Variants in SLC16A2 observed in about 807,000 individuals in gnomAD.
SLC16A2 encodes monocarboxylate transporter 8.
SLC16A2 carries 3 observed loss-of-function variants against 27.2 expected under a neutral mutation model. The ratio of observed to expected loss-of-function variants is 0.11; its 90% CI spans 0.05 to 0.28. SLC16A2 has a LOEUF of 0.28. Ranked by LOEUF, SLC16A2 falls within the 10% of genes least tolerant of loss-of-function variation. The pLI is 1.00. For missense variants in SLC16A2, 295 were observed against 458.5 expected (o/e 0.64, Z 3.26); for synonymous variants, 202 against 187.8 (o/e 1.08, Z -0.62).
intron 1 of SLC16A2, among the ~76,000 whole-genome samples, chrX:74,497,424 G>A (rs773006893): frequency 9.0e-6 from 1 of 110,646 alleles, no homozygotes; most frequent in African/African-American, 3.3e-5. Flanking sequence ...TCATCTCAGC[G>A]AGAATTGGGC....
intron 1 of SLC16A2, among the ~76,000 whole-genome samples, chrX:74,437,346 G>A (rs1016011655): frequency 3.6e-5 from 4 of 112,538 alleles, no homozygotes; most frequent in Non-Finnish European, 7.5e-5. Context: ...AGAGGAATGT[G>A]TGAGGCTCTT....
At chrX:74,524,870 T>G (rs1412657665) in intron 3 of SLC16A2, 61 bp downstream of exon 3, 2 of 1,010,448 alleles carry the variant, frequency 2.0e-6, no homozygotes, top group African/African-American at 3.8e-5. Context: ...TCAACCTGCC[T>G]AGATTCCAGA....
Position 74,474,272 on chromosome X carries a change from A to C in SLC16A2, c.431-46718A>C, listed in dbSNP as rs760323449. ...AATATTTTGTAGCTTTCAGAGTATA[A>C]GTTTTATACTCCTTTTGTTAAATTT... On this transcript the variant is annotated intron_variant, in intron 1 of 5. Coordinates refer to ENST00000587091, the MANE Select transcript of SLC16A2 (RefSeq NM_006517.5). Among the ~76,000 whole-genome samples, 51 of 111,672 alleles carry C rather than the reference A, an allele frequency of 4.6e-4. 1 individual carries two copies. Among genetic ancestry groups the C allele is most frequent in the Admixed American group, 1.1e-3 (11 of 10,473 alleles).
At chrX:74,475,306 C>T (rs1262693797) in intron 1 of SLC16A2, among the ~76,000 whole-genome samples, 12 of 101,169 alleles carry the variant, frequency 1.2e-4, no homozygotes, top group African/African-American at 3.5e-4. Flanking sequence ...TCATATCCTT[C>T]GCCCGCTTGT....
At chrX:74,481,482 T>C (rs1929619224) in intron 1 of SLC16A2, among the ~76,000 whole-genome samples, 1 of 111,570 alleles carries the variant, frequency 9.0e-6, no homozygotes, top group South Asian at 3.7e-4. Flanking sequence ...AGTAATTTAA[T>C]TTAATAGCAT....
At chrX:74,501,541 G>A (rs867715146) in intron 1 of SLC16A2, among the ~76,000 whole-genome samples, 18 of 111,450 alleles carry the variant, frequency 1.6e-4, no homozygotes, top group Admixed American at 1.9e-4. Flanking sequence ...CCCTGGAGCA[G>A]GTAGAGCATG....
At chrX:74,428,686 G>C (rs1928468783) in intron 1 of SLC16A2, among the ~76,000 whole-genome samples, 1 of 110,339 alleles carries the variant, frequency 9.1e-6, no homozygotes, top group Admixed American at 9.7e-5. Flanking sequence ...ACTTTCGATG[G>C]AGCACTCAAG....
At chrX:74,477,483 A>G (rs1455334215) in intron 1 of SLC16A2, among the ~76,000 whole-genome samples, 1 of 111,197 alleles carries the variant, frequency 9.0e-6, no homozygotes, top group Non-Finnish European at 1.9e-5. Context: ...TATCTCCTTC[A>G]GTTCTGCTCT....
intron 1 of SLC16A2, among the ~76,000 whole-genome samples, chrX:74,461,218 C>A (rs1929134812): frequency 9.0e-6 from 1 of 111,706 alleles, no homozygotes; most frequent in African/African-American, 3.3e-5. Flanking sequence ...TCCAGGTTTG[C>A]CAGTGACAAA....
intron 1 of SLC16A2, among the ~76,000 whole-genome samples, chrX:74,477,506 AT>A (rs2147854788): frequency 9.0e-6 from 1 of 110,675 alleles, no homozygotes; most frequent in Admixed American, 9.6e-5. Flanking sequence ...TCTTAGTTAT[AT>A]CTTGCCTTCT....
chrX:74,475,250 A>T (rs1242236236), intron 1 of SLC16A2, among the ~76,000 whole-genome samples: 1 of 110,225 alleles, frequency 9.1e-6, no homozygotes, highest in Admixed American at 9.6e-5. Context: ...GCATTTTTTC[A>T]TGTGTCTTTT....
In SLC16A2 at chrX:74,525,739, A is replaced by G; in HGVS notation, c.1027-11A>G. 4 of 1,211,394 alleles carry G rather than the reference A, an allele frequency of 3.3e-6. No individual in the cohort carries two copies. Among genetic ancestry groups the G allele is most frequent in the Non-Finnish European group, 4.5e-6 (4 of 895,257 alleles). ...TCCTGTTTCTGGGGATCCTTGTGCT[A>G]TGCTTTTCAGATGAAGTATGTGGAG... On this transcript the variant is annotated splice_polypyrimidine_tract_variant and intron_variant, in intron 3 of 5. Transcript: ENST00000587091.
intron 1 of SLC16A2, among the ~76,000 whole-genome samples, chrX:74,448,149 T>C (rs1928871179): frequency 9.0e-6 from 1 of 110,600 alleles, no homozygotes; most frequent in African/African-American, 3.3e-5. Context: ...ATGTAAGGAG[T>C]ATGTTGAACA....
chrX:74,481,254 T>C (rs1929613992), intron 1 of SLC16A2, among the ~76,000 whole-genome samples: 1 of 112,339 alleles, frequency 8.9e-6, no homozygotes, highest in South Asian at 3.7e-4. Context: ...TTTCCTCCTG[T>C]TCTAGAAGAT....
intron 1 of SLC16A2, among the ~76,000 whole-genome samples, chrX:74,517,063 G>A (rs1470493185): frequency 9.0e-6 from 1 of 111,690 alleles, no homozygotes; most frequent in Admixed American, 9.5e-5. Context: ...TGTGGTGATG[G>A]AATAGTTCTG....
chrX:74,451,236 T>C (rs1928935138), intron 1 of SLC16A2, among the ~76,000 whole-genome samples: 1 of 112,137 alleles, frequency 8.9e-6, no homozygotes, highest in Admixed American at 9.5e-5. Context: ...GCAATGACTA[T>C]GTGAGTATGT....
At chrX:74,515,783 T>C (rs1032888493) in intron 1 of SLC16A2, among the ~76,000 whole-genome samples, 1 of 112,023 alleles carries the variant, frequency 8.9e-6, no homozygotes, top group African/African-American at 3.2e-5. Context: ...ATAAAAGCTC[T>C]CTTAGCTCAG....
intron 1 of SLC16A2, among the ~76,000 whole-genome samples, chrX:74,460,246 A>G (rs1468385933): frequency 9.0e-6 from 1 of 111,713 alleles, no homozygotes; most frequent in Non-Finnish European, 1.9e-5. Flanking sequence ...CTACATGGCC[A>G]AGATACTAAG....
chrX:74,434,536 G>A (rs139620417), intron 1 of SLC16A2, among the ~76,000 whole-genome samples: 2,595 of 111,008 alleles, frequency 0.023, 32 homozygotes, highest in Non-Finnish European at 0.04. Context: ...AAAAGGACAC[G>A]GGGAGGGGGA....
Sources: gnomAD v4.1 joint callset for allele counts (sites outside exome capture counted in the v4.1 genomes callset) on GRCh38, gnomAD v4.1.1 for gene constraint, MANE v1.5 for transcripts, NCBI Gene and HGNC (gene_info 2026-07-23, HGNC 2026-07-21) for gene names.